AKT1: variants seen among roughly 807,000 people sequenced by gnomAD.
AKT1 encodes RAC-alpha serine/threonine-protein kinase.
A neutral mutation model predicts 63.1 loss-of-function variants in AKT1; 21 were observed. The ratio of observed to expected loss-of-function variants is 0.33; its 90% CI spans 0.24 to 0.48. The LOEUF (loss-of-function observed/expected upper bound fraction) is 0.48, where lower values mean the gene tolerates loss of function less well. Among genes scored for constraint, AKT1 ranks in the 20% least tolerant of loss-of-function variants. The pLI is 0.99. For synonymous variants in AKT1, 257 were observed against 253.1 expected, an observed-to-expected ratio of 1.02 and a Z score of -0.15; for missense variants, 382 against 666.0, an observed-to-expected ratio of 0.57 and a Z score of 4.69.
At position 104,772,938 on chromosome 14, in the gene AKT1, G is replaced by A. The variant is rs781388586; in HGVS notation, c.1112C>T (p.Thr371Met). The change falls in exon 12 of 15, where the codon ACG becomes ATG. Residue 371 changes from threonine (T) to methionine (M), a missense_variant. This residue lies in a region of AKT1 where 66 missense variants were observed against 179.1 expected (regional missense o/e 0.37). Transcript: ENST00000649815. ...ILMEEIRFPRTLGPEAKSLLS... is the reference protein window; with the variant it reads ...ILMEEIRFPRMLGPEAKSLLS... ...CAAGGACTTGGCCTCGGGACCAAGC[G>A]TGCGCGGGAAGCGGATCTCCTCCAT... is the stretch of plus-strand genomic sequence containing the variant. 1.1e-5 allele frequency: 18 copies of A among 1,613,868 alleles called. No homozygotes were observed. The highest frequency in any genetic ancestry group is 2.7e-5 in the African/African-American group (2 of 74,906).
In AKT1 at chr14:104,773,445, G is replaced by A. The variant is rs370490407; in HGVS notation, c.828+10C>T. 6.7e-5 allele frequency: 108 copies of A among 1,613,848 alleles called. No homozygotes were observed. Among genetic ancestry groups the A allele is most frequent in the African/African-American group, 8.0e-5 (6 of 75,038 alleles). On this transcript the variant is annotated intron_variant, in intron 10 of 14. Transcript: ENST00000649815. Reference sequence around the variant, plus strand: ...CAGGGCCCTGCCCCCCTGCCTGCCCGCCAGCGCACCTTGAGGTCCCGGTAC... The same window carrying A: ...CAGGGCCCTGCCCCCCTGCCTGCCCACCAGCGCACCTTGAGGTCCCGGTAC...
In AKT1 at chr14:104,772,374, G is replaced by A. The variant is rs139297659; in HGVS notation, c.1251C>T (p.Tyr417=). ...CGGGGAGCAGCCGCACCTTCTTCTC[G>A]TACACGTGCTGCCACACGATACCGG... ...FFAGIVWQHV[Y]EKKLSPPFKP... is the part of the protein sequence containing the mutation. Residue 417 remains tyrosine, a synonymous_variant, in exon 13 of 15, where the codon TAC becomes TAT. Coordinates refer to ENST00000649815, the MANE Select transcript of AKT1 (RefSeq NM_001382430.1). 0.012 allele frequency: 19,632 copies of A among 1,613,818 alleles called. 163 individuals carry two copies. Among genetic ancestry groups the A allele is most frequent in the South Asian group, 0.016 (1,471 of 91,076 alleles).
intron 3 of AKT1, among the ~76,000 whole-genome samples, chr14:104,780,877 C>T (rs376131585): frequency 1.4e-3 from 213 of 152,334 alleles, no homozygotes; most frequent in African/African-American, 4.6e-3. Flanking sequence ...TGGGGACTGC[C>T]GATGAAGCCA....
chr14:104,775,032 C>A (rs1281069194), intron 7 of AKT1, 29 bp from the exon 8 acceptor site: 1 of 1,613,124 alleles, frequency 6.2e-7, no homozygotes, highest in East Asian at 2.2e-5. Flanking sequence ...TGAGCTGCCA[C>A]CCCGCACCCT....
chr14:104,773,747 A>G, intron 9 of AKT1, 165 bp downstream of exon 9: 2 of 1,232,890 alleles, frequency 1.6e-6, no homozygotes, highest in Non-Finnish European at 2.3e-6. Flanking sequence ...CAGCAGGAAC[A>G]AGTCACCCCA....
chr14:104,790,481 G>C (rs901303544), intron 3 of AKT1, among the ~76,000 whole-genome samples: 5 of 152,216 alleles, frequency 3.3e-5, no homozygotes, highest in Non-Finnish European at 7.4e-5. Flanking sequence ...CCTGCCAGGA[G>C]GGTGGCACAG....
chr14:104,775,682 C>T lies in AKT1; in HGVS notation c.405G>A (p.Glu135=). The T allele has an allele frequency of 6.2e-7, 1 of 1,614,088 alleles. No individual in the cohort carries two copies. The highest frequency in any genetic ancestry group is 2.2e-5 in the East Asian group (1 of 44,864). ...GGTGCTTGGGCTTGGCCAGGGACAC[C>T]TCCATCTCTTCAGCCCCTGAGTTGT... ...PSDNSGAEEM[E]VSLAKPKHRV... is the part of the protein sequence containing the mutation. The change falls in exon 6 of 15, where the codon GAG becomes GAA. Residue 135 remains glutamate, a synonymous_variant. Coordinates refer to ENST00000649815, the MANE Select transcript of AKT1 (RefSeq NM_001382430.1).
At position 104,775,709 on chromosome 14, in the gene AKT1, ACTGGGT is replaced by A; in HGVS notation, c.372_377del (p.Pro125_Ser126del). On this transcript the variant is annotated inframe_deletion, in exon 6 of 15. Coordinates refer to ENST00000649815, the MANE Select transcript of AKT1 (RefSeq NM_001382430.1). ...CCATCTCTTCAGCCCCTGAGTTGTC[ACTGGGT>A]GAGCCCGACCGGAAGTCCATCTCCT... 5 of 1,614,028 alleles carry A rather than the reference ACTGGGT, an allele frequency of 3.1e-6. No individual in the cohort carries two copies. The highest frequency in any genetic ancestry group is 4.2e-6 in the Non-Finnish European group (5 of 1,179,972).
At chr14:104,789,792 A>G (rs1312905892) in intron 3 of AKT1, among the ~76,000 whole-genome samples, 1 of 152,006 alleles carries the variant, frequency 6.6e-6, no homozygotes. Flanking sequence ...TGCCCTTAAC[A>G]GCCTAAGCTC....
rs751067863 is a variant in AKT1 at position 104,776,643 on chromosome 14, G to A, written c.287+16C>T. On this transcript the variant is annotated intron_variant, in intron 5 of 14. Coordinates refer to ENST00000649815, the MANE Select transcript of AKT1 (RefSeq NM_001382430.1). ...GGCTGCCCAAGTGCCTGGCCTGGCC[G>A]CCACAGCCCACGTACCGCTCCTCAG... 43 of 1,607,494 alleles carry A rather than the reference G, an allele frequency of 2.7e-5. No individual in the cohort carries two copies. Among genetic ancestry groups the A allele is most frequent in the East Asian group, 2.2e-4 (10 of 44,756 alleles).
At chr14:104,784,976 G>A (rs377084388) in intron 3 of AKT1, among the ~76,000 whole-genome samples, 121 of 152,330 alleles carry the variant, frequency 7.9e-4, no homozygotes, top group African/African-American at 2.7e-3. Context: ...TAAACACTTC[G>A]CAGAGACGGT....
In AKT1 at chr14:104,775,263, G is replaced by T. The variant is rs998132278; in HGVS notation, c.436-56C>A. Reference sequence around the variant, plus strand: ...CGCTGCCAACAGTGCCCAGCTGGTCGGCATGCGTGGGGTGGCATGAGGGGC... The same window carrying T: ...CGCTGCCAACAGTGCCCAGCTGGTCTGCATGCGTGGGGTGGCATGAGGGGC... On this transcript the variant is annotated intron_variant, in intron 6 of 14. Transcript: ENST00000649815. 3 of 1,604,804 alleles carry T rather than the reference G, an allele frequency of 1.9e-6. No individual in the cohort carries two copies. The East Asian group carries it at 6.7e-5, about 36-fold the overall frequency.
chr14:104,776,426 C>T (rs1016230991), intron 5 of AKT1: 20 of 481,282 alleles, frequency 4.2e-5, no homozygotes, highest in Non-Finnish European at 6.4e-5. Flanking sequence ...AGATTATAGA[C>T]GTGAGCCACT....
rs756659788 is a variant in AKT1 at position 104,776,760 on chromosome 14, C to T, written c.186G>A (p.Leu62=). The change falls in exon 5 of 15, where the codon CTG becomes CTA. Residue 62 remains leucine (L), a synonymous_variant. Coordinates refer to ENST00000649815, the MANE Select transcript of AKT1 (RefSeq NM_001382430.1). ...TGGGCCGGGGCCGCTCCGTCTTCAT[C>T]AGCTGGCACTCTGCGGGCAGGCAGA... is the stretch of plus-strand genomic sequence containing the variant. ...LNNFSVAQCQ[L]MKTERPRPNT... 9.9e-6 allele frequency: 16 copies of T among 1,612,812 alleles called. No homozygotes were observed. The highest frequency in any genetic ancestry group is 1.3e-5 in the African/African-American group (1 of 74,928).
At chr14:104,785,232 C>T (rs1248646569) in intron 3 of AKT1, among the ~76,000 whole-genome samples, 3 of 152,178 alleles carry the variant, frequency 2.0e-5, no homozygotes, top group Admixed American at 2.0e-4. Flanking sequence ...CAGGAGACCG[C>T]ACAGCTCACC....
At position 104,769,983 on chromosome 14, in the gene AKT1, TGACA is replaced by T. The variant is rs575655519; in HGVS notation, c.*354_*357del. 5.7e-5 allele frequency: 25 copies of T among 437,216 alleles called. No individual in the cohort carries two copies. The highest frequency in any genetic ancestry group is 1.1e-4 in the Non-Finnish European group (25 of 237,128). 27.1% of individuals were successfully genotyped at this position (437,216 alleles called of 1,614,324 possible). The stretch of plus-strand genomic sequence containing the variant: ...TGACAGACAGCCCAGGGCGGCTGGC[TGACA>T]GAGTGAGGGGACACATGGGCAGGAC... On this transcript the variant is annotated 3_prime_UTR_variant, in exon 15 of 15. Coordinates refer to ENST00000649815, the MANE Select transcript of AKT1 (RefSeq NM_001382430.1).
intron 3 of AKT1, among the ~76,000 whole-genome samples, chr14:104,788,573 A>T (rs890609761): frequency 5.3e-5 from 8 of 152,184 alleles, no homozygotes; most frequent in African/African-American, 1.9e-4. Flanking sequence ...GACCAGCTGG[A>T]TGGCTGAGCA....
chr14:104,771,042 C>T (rs1892356341), intron 13 of AKT1, 195 bp from the exon 14 acceptor site: 4 of 589,390 alleles, frequency 6.8e-6, no homozygotes, highest in South Asian at 2.1e-5. Context: ...TGCAGGAGCA[C>T]GGAGACAACC....
In AKT1 at chr14:104,775,091, T is replaced by C. The variant is rs1422104904; in HGVS notation, c.552A>G (p.Glu184=). The C allele has an allele frequency of 3.1e-6, 5 of 1,613,820 alleles. No individual in the cohort carries two copies. The highest frequency in any genetic ancestry group is 1.7e-5 in the Admixed American group (1 of 60,020). Reference sequence around the variant, plus strand: ...CCGGCCCCACCTTGGCCACGATGACTTCCTTCTTGAGGATCTTCATGGCGT... The same window carrying C: ...CCGGCCCCACCTTGGCCACGATGACCTCCTTCTTGAGGATCTTCATGGCGT... ...RYYAMKILKK[E]VIVAKDEVAH... is the part of the protein sequence containing the mutation. Residue 184 remains glutamate (E), a synonymous_variant, in exon 7 of 15, where the codon GAA becomes GAG. Transcript: ENST00000649815.
Sources: gnomAD v4.1 joint callset for allele counts (sites outside exome capture counted in the v4.1 genomes callset) on GRCh38, gnomAD v4.1.1 for gene constraint, gnomAD v4.1.1 regional missense constraint, MANE v1.5 for transcripts, NCBI Gene and HGNC (gene_info 2026-07-23, HGNC 2026-07-21) for gene names.